The following HNRNPM variants were observed in gnomAD, a reference collection of about 807,000 sequenced individuals.
HNRNPM encodes heterogeneous nuclear ribonucleoprotein M, also known as CEA receptor.
A neutral mutation model predicts 73.1 loss-of-function variants in HNRNPM; 11 were observed. The ratio of observed to expected loss-of-function variants is 0.15; its 90% confidence interval spans 0.09 to 0.25. HNRNPM has a LOEUF of 0.25. HNRNPM is among the 10% of genes least tolerant of loss of function. HNRNPM has a pLI of 1.00. For synonymous variants in HNRNPM, 407 were observed against 355.2 expected, an observed-to-expected ratio of 1.15 and a Z score of -1.64; for missense variants, 789 against 1,067.9, an observed-to-expected ratio of 0.74 and a Z score of 3.64.
intron 15 of HNRNPM, chr19:8,488,248 C>CCCTATCT (rs1436083846): frequency 1.3e-5 from 2 of 154,316 alleles, no homozygotes; most frequent in African/African-American, 2.4e-5. Context: ...CTGTCCACGG[C>CCCTATCT]GTTGACACAT....
chr19:8,450,671 G>T (rs1968540944), intron 1 of HNRNPM, among the ~76,000 whole-genome samples: 1 of 151,152 alleles, frequency 6.6e-6, no homozygotes, highest in African/African-American at 2.4e-5. Flanking sequence ...CAAAGTGCTG[G>T]GATTACAGGC....
chr19:8,456,275 T>A (rs1048545481), intron 2 of HNRNPM, among the ~76,000 whole-genome samples: 1 of 152,220 alleles, frequency 6.6e-6, no homozygotes. Context: ...CGAGGAGGCC[T>A]GCCTCTGTGA....
intron 9 of HNRNPM, among the ~76,000 whole-genome samples, chr19:8,470,111 A>G (rs1419507716): frequency 2.0e-5 from 3 of 152,218 alleles, no homozygotes; most frequent in Non-Finnish European, 2.9e-5. Flanking sequence ...ACACTGCTCC[A>G]GGGAGCCTGT....
At position 8,489,094 on chromosome 19, in the gene HNRNPM, A is replaced by C; in HGVS notation, c.*240A>C. On this transcript the variant is annotated 3_prime_UTR_variant, in exon 16 of 16. Coordinates refer to ENST00000325495, the MANE Select transcript of HNRNPM (RefSeq NM_005968.5). The stretch of plus-strand genomic sequence containing the variant: ...GTTGACATCGAATATGACTTTGATA[A>C]TAAATACCGGTTCCTGAAAACGGCC... 1 of 416,378 alleles carries C rather than the reference A, an allele frequency of 2.4e-6. No individual in the cohort carries two copies. Among genetic ancestry groups the C allele is most frequent in the Non-Finnish European group, 4.4e-6 (1 of 226,650 alleles). The allele number at this position is 416,378 out of a possible 1,614,324, so 25.8% of individuals were successfully genotyped here.
chr19:8,476,630 G>A (rs1390968726), intron 12 of HNRNPM, among the ~76,000 whole-genome samples: 1 of 152,056 alleles, frequency 6.6e-6, no homozygotes, highest in Non-Finnish European at 1.5e-5. Context: ...GTGTTTGACA[G>A]TGAAAATGCT....
chr19:8,453,014 T>C (rs1412541649), intron 1 of HNRNPM, among the ~76,000 whole-genome samples: 2 of 152,054 alleles, frequency 1.3e-5, no homozygotes, highest in African/African-American at 2.4e-5. Flanking sequence ...ATAATTATTA[T>C]TATTTTTAAA....
chr19:8,457,379 T>G (rs1237503561), intron 2 of HNRNPM, among the ~76,000 whole-genome samples: 1 of 152,198 alleles, frequency 6.6e-6, no homozygotes, highest in Non-Finnish European at 1.5e-5. Context: ...GGTGGTTGAT[T>G]GGGATACTTC....
intron 1 of HNRNPM, among the ~76,000 whole-genome samples, chr19:8,448,643 A>G (rs973744809): frequency 6.6e-5 from 10 of 151,742 alleles, no homozygotes; most frequent in African/African-American, 2.4e-4. Flanking sequence ...ATGCCTGGCT[A>G]ATTTTTTTAA....
chr19:8,487,247 C>T (rs1191336232), intron 15 of HNRNPM, 172 bp downstream of exon 15: 4 of 671,668 alleles, frequency 6.0e-6, no homozygotes, highest in South Asian at 1.7e-5. Context: ...TGTGATGTGT[C>T]ACATGTTTTT....
intron 2 of HNRNPM, among the ~76,000 whole-genome samples, chr19:8,460,927 A>G (rs1238833524): frequency 6.6e-6 from 1 of 152,194 alleles, no homozygotes; most frequent in Non-Finnish European, 1.5e-5. Flanking sequence ...GCTTTTTAAC[A>G]TGGCCTCAGG....
chr19:8,455,337 A>G, intron 1 of HNRNPM, 68 bp from the exon 2 acceptor site: 1 of 1,356,978 alleles, frequency 7.4e-7, no homozygotes, highest in Non-Finnish European at 1.0e-6. Context: ...TGGCAAATCA[A>G]ATAATTATCT....
rs1001456789 is a variant in HNRNPM, at chr19:8,487,032, C to T, written c.1986C>T (p.Phe662=). 6.8e-6 allele frequency: 11 copies of T among 1,613,400 alleles called. No homozygotes were observed. The highest frequency in any genetic ancestry group is 4.0e-5 in the African/African-American group (3 of 74,910). ...ACQIFVRNLP[F]DFTWKMLKDK... is the part of the protein sequence containing the mutation. The stretch of plus-strand genomic sequence containing the variant: ...TTTCTTCTCCCCTTCAGCTGCCATT[C>T]GATTTCACATGGAAGATGCTAAAGG... Residue 662 remains phenylalanine, a synonymous_variant, in exon 15 of 16, where the codon TTC becomes TTT. Coordinates refer to ENST00000325495, the MANE Select transcript of HNRNPM (RefSeq NM_005968.5).
chr19:8,482,309 G>A (rs8106540), intron 12 of HNRNPM, among the ~76,000 whole-genome samples: 6,122 of 152,212 alleles, frequency 0.04, 275 homozygotes, highest in African/African-American at 0.11. Flanking sequence ...AATGTGCCTC[G>A]TGGCTAATGT....
chr19:8,485,582 T>C, intron 13 of HNRNPM, 21 bp from the exon 14 acceptor site: 1 of 1,586,658 alleles, frequency 6.3e-7, no homozygotes. Flanking sequence ...CACCCACCTG[T>C]GTTTTGTGTC....
At position 8,486,514 on chromosome 19, in the gene HNRNPM, C is replaced by T. The variant is rs781350807; in HGVS notation, c.1977+109C>T. On this transcript the variant is annotated intron_variant, in intron 14 of 15. Transcript: ENST00000325495. ...TGGCGCCCTTCAAAGGGGACCACAC[C>T]TCCTTGCCACTGTCCCAAACGTTTT... is the stretch of plus-strand genomic sequence containing the variant. The T allele has an allele frequency of 2.2e-5, 19 of 864,936 alleles. No individual in the cohort carries two copies. The Middle Eastern group carries it at 1.3e-3, about 59-fold the overall frequency. 53.6% of individuals were successfully genotyped at this position (864,936 alleles called of 1,614,324 possible).
At position 8,485,994 on chromosome 19, in the gene HNRNPM, C is replaced by G. The variant is rs376025950; in HGVS notation, c.1566C>G (p.Ile522Met). 2 of 1,601,782 alleles carry G rather than the reference C, an allele frequency of 1.2e-6. No homozygotes were observed. Among genetic ancestry groups the G allele is most frequent in the South Asian group, 1.1e-5 (1 of 90,992 alleles). ...GCGTGGAGCGCATGGGCCCTGCCAT[C>G]GAGCGCATGGGCCTGAGCATGGAGC... Reference protein sequence around the residue: ...GSGVERMGPAIERMGLSMERM... With the variant: ...GSGVERMGPAMERMGLSMERM... The change falls in exon 14 of 16, where the codon ATC becomes ATG. Residue 522 changes from isoleucine to methionine, a missense_variant. Ile to Met is a conservative substitution (Grantham distance 10). This residue lies in a region of HNRNPM where 604 missense variants were observed against 744.0 expected (regional missense o/e 0.81). Transcript: ENST00000325495.
Position 8,485,759 on chromosome 19 carries a change from T to G in HNRNPM, c.1331T>G (p.Met444Arg). ...IERMGLVMDR[M>R]GSVERMGSGI... ...CGCATGGGCCTGGTCATGGACCGCA[T>G]GGGCTCCGTGGAGCGCATGGGCTCC... Residue 444 changes from methionine to arginine, a missense_variant, in exon 14 of 16, where the codon ATG becomes AGG. Met to Arg is a moderately conservative substitution (Grantham distance 91). Coordinates refer to ENST00000325495, the MANE Select transcript of HNRNPM (RefSeq NM_005968.5). 6.2e-7 allele frequency: 1 copy of G among 1,604,006 alleles called. No individual in the cohort carries two copies. The highest frequency in any genetic ancestry group is 8.5e-7 in the Non-Finnish European group (1 of 1,178,844).
intron 1 of HNRNPM, among the ~76,000 whole-genome samples, chr19:8,448,164 T>G (rs934043256): frequency 7.2e-5 from 11 of 152,210 alleles, no homozygotes; most frequent in African/African-American, 2.7e-4. Context: ...GAAACTTGGT[T>G]CTTTGGAATT....
At chr19:8,455,715 C>A (rs1968957937) in intron 2 of HNRNPM, 141 bp downstream of exon 2, 2 of 569,944 alleles carry the variant, frequency 3.5e-6, no homozygotes, top group African/African-American at 1.9e-5. Flanking sequence ...AGCCCCCTTA[C>A]CCCACCTCAG....
Sources: allele counts gnomAD v4.1 joint callset (sites outside exome capture counted in the v4.1 genomes callset), GRCh38; gene constraint gnomAD v4.1.1; regional missense constraint gnomAD v4.1.1; transcripts MANE v1.5; gene names NCBI Gene and HGNC (gene_info 2026-07-23, HGNC 2026-07-21).